Variants in ACSM4 observed in about 807,000 individuals in gnomAD.
ACSM4 encodes acyl-coenzyme A synthetase ACSM4, mitochondrial.
In ACSM4, 66 loss-of-function variants were observed where a neutral mutation model predicts 73.0. The ratio of observed to expected loss-of-function variants is 0.90; its 90% CI spans 0.74 to 1.11. The LOEUF (loss-of-function observed/expected upper bound fraction) is 1.11. Ranked by LOEUF, ACSM4 falls within the 50% of genes least tolerant of loss-of-function variation. ACSM4 has a pLI of 0.00. For missense variants in ACSM4, 645 were observed against 714.4 expected, an observed-to-expected ratio of 0.90 and a Z score of 1.11; for synonymous variants, 222 against 254.0, an observed-to-expected ratio of 0.87 and a Z score of 1.20.
chr12:7,304,914 T>C (rs1166897886), intron 1 of ACSM4, among the ~76,000 whole-genome samples: 3 of 152,180 alleles, frequency 2.0e-5, no homozygotes, highest in Admixed American at 6.5e-5. Flanking sequence ...GAGGAGAGAA[T>C]TGGAGGTTGA....
chr12:7,309,268 C>T (rs1480538872), intron 2 of ACSM4, among the ~76,000 whole-genome samples: 1 of 152,140 alleles, frequency 6.6e-6, no homozygotes, highest in African/African-American at 2.4e-5. Flanking sequence ...CACTGGAATC[C>T]ATAGAGAAGA....
Position 7,304,538 on chromosome 12 carries a change from T to C in ACSM4, c.201+6T>C, listed in dbSNP as rs2136327292. Reference sequence around the variant, plus strand: ...AGTGGTCCCAAAAGGAGAAGGTATATGACGATGGGCTTCCAGTAGATGCTT... The same window carrying C: ...AGTGGTCCCAAAAGGAGAAGGTATACGACGATGGGCTTCCAGTAGATGCTT... On this transcript the variant is annotated splice_donor_region_variant and intron_variant, in intron 1 of 12. Transcript: ENST00000399422. The C allele has an allele frequency of 1.9e-6, 3 of 1,612,192 alleles. No homozygotes were observed. The highest frequency in any genetic ancestry group is 1.1e-5 in the South Asian group (1 of 91,014).
intron 3 of ACSM4, among the ~76,000 whole-genome samples, chr12:7,313,015 A>G (rs1054427722): frequency 6.6e-6 from 1 of 152,200 alleles, no homozygotes; most frequent in Non-Finnish European, 1.5e-5. Flanking sequence ...GGATAAGTAA[A>G]ACGATACAAT....
intron 6 of ACSM4, among the ~76,000 whole-genome samples, chr12:7,322,037 G>A (rs1444435820): frequency 6.6e-6 from 1 of 152,156 alleles, no homozygotes; most frequent in Admixed American, 6.5e-5. Flanking sequence ...GGGTTGAGAA[G>A]ATTCTAAGAA....
rs994004104 is a variant in ACSM4 at position 7,304,276 on chromosome 12, C to G, written c.-56C>G. On this transcript the variant is annotated 5_prime_UTR_variant, in exon 1 of 13. Transcript: ENST00000399422. The stretch of plus-strand genomic sequence containing the variant: ...AACTGATACTCTCTATCCATCTCTC[C>G]CTACAGGCTGTAGTACTTCTGTGTC... The G allele has an allele frequency of 2.8e-5, 43 of 1,544,940 alleles. No homozygotes were observed. Among genetic ancestry groups the G allele is most frequent in the Non-Finnish European group, 3.8e-5 (42 of 1,119,512 alleles).
intron 2 of ACSM4, among the ~76,000 whole-genome samples, chr12:7,310,236 G>T (rs1211367394): frequency 6.6e-6 from 1 of 152,186 alleles, no homozygotes; most frequent in Non-Finnish European, 1.5e-5. Flanking sequence ...TGTCTGCTCA[G>T]ACACTTACTG....
chr12:7,321,816 A>G (rs1946465825), intron 6 of ACSM4, among the ~76,000 whole-genome samples: 1 of 152,204 alleles, frequency 6.6e-6, no homozygotes, highest in African/African-American at 2.4e-5. Flanking sequence ...CTTGCTAAGC[A>G]TCAACTCCAT....
At position 7,324,472 on chromosome 12, in the gene ACSM4, T is replaced by C. The variant is rs760475992; in HGVS notation, c.1437-27T>C. On this transcript the variant is annotated intron_variant, in intron 10 of 12. Coordinates refer to ENST00000399422, the MANE Select transcript of ACSM4 (RefSeq NM_001080454.2). ...GAGATCTCTAACTTGGAGGATGTGG[T>C]GGTCAAAAACTTCTTTTCCTCTTCA... is the stretch of plus-strand genomic sequence containing the variant. 67 of 1,613,880 alleles carry C rather than the reference T, an allele frequency of 4.2e-5. No individual in the cohort carries two copies. The South Asian group carries it at 6.5e-4, about 16-fold the overall frequency.
intron 5 of ACSM4, 191 bp downstream of exon 5, chr12:7,318,373 ACT>A: frequency 3.3e-6 from 2 of 598,332 alleles, no homozygotes; most frequent in Non-Finnish European, 2.7e-6. Context: ...CAACTGCAAC[ACT>A]CTGAGGCAGG....
intron 3 of ACSM4, among the ~76,000 whole-genome samples, chr12:7,311,783 G>A (rs963854391): frequency 6.6e-5 from 10 of 151,908 alleles, no homozygotes; most frequent in African/African-American, 1.7e-4. Flanking sequence ...CTCCACCTCC[G>A]GGTTAAAGTG....
At position 7,318,099 on chromosome 12, in the gene ACSM4, G is replaced by T; in HGVS notation, c.838G>T (p.Gly280Cys). 6.2e-7 allele frequency: 1 copy of T among 1,613,866 alleles called. No homozygotes were observed. ...SDTGWVKAAI[G>C]SVFSSWLCGA... ...CACGGGCTGGGTCAAGGCCGCCATTGGCAGTGTGTTTTCTTCCTGGCTGTG... is the reference window on the plus strand; with the variant it reads ...CACGGGCTGGGTCAAGGCCGCCATTTGCAGTGTGTTTTCTTCCTGGCTGTG... The change falls in exon 5 of 13, where the codon GGC becomes TGC. Residue 280 changes from glycine to cysteine, a missense_variant. Transcript: ENST00000399422.
intron 1 of ACSM4, among the ~76,000 whole-genome samples, chr12:7,306,127 A>C (rs1016819924): frequency 2.6e-5 from 4 of 152,246 alleles, no homozygotes; most frequent in African/African-American, 7.2e-5. Context: ...GAGAGCTCAC[A>C]AAATTGGGCT....
chr12:7,304,127 G>C lies in ACSM4; in HGVS notation c.-205G>C, dbSNP rs1296292193. On this transcript the variant is annotated 5_prime_UTR_variant, in exon 1 of 13. Coordinates refer to ENST00000399422, the MANE Select transcript of ACSM4 (RefSeq NM_001080454.2). ...TGAAGAGGAAGGGTCCAGTGGCAGGGAGACCAGTCAGTGGCTAAGGCAGCA... is the reference window on the plus strand; with the variant it reads ...TGAAGAGGAAGGGTCCAGTGGCAGGCAGACCAGTCAGTGGCTAAGGCAGCA... Among the ~76,000 whole-genome samples, 2 of 152,108 alleles carry C rather than the reference G, an allele frequency of 1.3e-5. No homozygotes were observed. Among genetic ancestry groups the C allele is most frequent in the Middle Eastern group, 3.2e-3 (1 of 316 alleles).
intron 11 of ACSM4, 113 bp from the exon 12 acceptor site, chr12:7,326,863 C>A: frequency 7.5e-6 from 9 of 1,204,804 alleles, no homozygotes; most frequent in South Asian, 3.5e-5. Flanking sequence ...CATTTGCAGT[C>A]ATCACACAAA....
chr12:7,328,258 G>A (rs1946525164), intron 12 of ACSM4, 29 bp from the exon 13 acceptor site: 2 of 1,513,782 alleles, frequency 1.3e-6, no homozygotes, highest in East Asian at 4.8e-5. Context: ...GGAATCAAGT[G>A]TCTCATCACG....
At chr12:7,308,495 TGTATGCA>T (rs1203560541) in intron 2 of ACSM4, among the ~76,000 whole-genome samples, 1 of 152,160 alleles carries the variant, frequency 6.6e-6, no homozygotes, top group East Asian at 1.9e-4. Context: ...TGCTGTAAAG[TGTATGCA>T]GTAAAGCCTG....
chr12:7,312,893 C>T (rs1946399578), intron 3 of ACSM4, among the ~76,000 whole-genome samples: 1 of 152,120 alleles, frequency 6.6e-6, no homozygotes, highest in African/African-American at 2.4e-5. Context: ...TTTGAATATG[C>T]ATCTCCACTA....
Position 7,306,447 on chromosome 12 carries a change from C to T in ACSM4, c.202-86C>T. On this transcript the variant is annotated intron_variant, in intron 1 of 12. Coordinates refer to ENST00000399422, the MANE Select transcript of ACSM4 (RefSeq NM_001080454.2). ...TTAGCAGAATGCACCAGAACCAGTG[C>T]CAAAGGGGGAAAACAGCAGATGCCG... is the stretch of plus-strand genomic sequence containing the variant. 5 of 1,327,840 alleles carry T rather than the reference C, an allele frequency of 3.8e-6. No homozygotes were observed. In the South Asian group the frequency reaches 6.8e-5, roughly 18 times the overall value. 82.3% of individuals were successfully genotyped at this position (1,327,840 alleles called of 1,614,324 possible). A position where few individuals can be genotyped will look rare whatever the true frequency, so the allele number is the denominator to read the frequency against.
At chr12:7,325,634 C>T (rs1449785119) in intron 11 of ACSM4, among the ~76,000 whole-genome samples, 1 of 152,138 alleles carries the variant, frequency 6.6e-6, no homozygotes, top group East Asian at 1.9e-4. Context: ...ACAACAGAGA[C>T]AGACTCTGTC....
Sources: gnomAD v4.1 joint callset for allele counts (sites outside exome capture counted in the v4.1 genomes callset) on GRCh38, gnomAD v4.1.1 for gene constraint, MANE v1.5 for transcripts, NCBI Gene and HGNC (gene_info 2026-07-23, HGNC 2026-07-21) for gene names.